Variants in TTC39A observed in about 807,000 individuals in gnomAD.
TTC39A encodes tetratricopeptide repeat domain 39A.
A neutral mutation model predicts 82.3 loss-of-function variants in TTC39A; 46 were observed. That is an observed-to-expected ratio of 0.56 (90% confidence interval 0.44 to 0.71). TTC39A has a LOEUF of 0.71. Among genes scored for constraint, TTC39A ranks in the 30% least tolerant of loss-of-function variants. The pLI, the probability that TTC39A is intolerant of heterozygous loss-of-function variation, is 0.00. For missense variants in TTC39A, 543 were observed against 712.9 expected, an observed-to-expected ratio of 0.76 and a Z score of 2.71; for synonymous variants, 254 against 275.2, an observed-to-expected ratio of 0.92 and a Z score of 0.76.
intron 5 of TTC39A, among the ~76,000 whole-genome samples, chr1:51,310,893 G>A (rs1645056773): frequency 6.6e-6 from 1 of 152,246 alleles, no homozygotes; most frequent in South Asian, 2.1e-4. Context: ...TGTGCAAAAA[G>A]TCTGGTACAT....
chr1:51,313,013 C>T (rs1645143256), intron 2 of TTC39A, 70 bp from the exon 3 acceptor site: 4 of 1,561,966 alleles, frequency 2.6e-6, no homozygotes, highest in Non-Finnish European at 3.5e-6. Flanking sequence ...CTGGGCAGCT[C>T]ATCTCCACCC....
At chr1:51,324,816 A>G (rs1396914074) in intron 1 of TTC39A, among the ~76,000 whole-genome samples, 1 of 151,950 alleles carries the variant, frequency 6.6e-6, no homozygotes, top group Non-Finnish European at 1.5e-5. Context: ...CACAGGCGTG[A>G]GCCACTGCAC....
In TTC39A at chr1:51,336,347, C is replaced by T. The variant is rs186020960; in HGVS notation, c.53+8644G>A. Among the ~76,000 whole-genome samples the T allele has an allele frequency of 5.3e-5, 8 of 152,124 alleles. No homozygotes were observed. In the East Asian group the frequency reaches 1.6e-3, roughly 30 times the overall value. ...TCTGTGACCTTTGGCAAGTCACTGC[C>T]CCACTGTGGGGCAGTTTCCTCTTCC... On this transcript the variant is annotated intron_variant, in intron 1 of 5. Transcript: ENST00000401051.
Position 51,302,318 on chromosome 1 carries a change from G to A in TTC39A, c.891+39C>T, listed in dbSNP as rs535619382. ...ACTTCCTGCTGGTCTGGGAGACCCC[G>A]AGGGATCCCCAGCCCCGGCCCGGAC... On this transcript the variant is annotated intron_variant, in intron 11 of 17. Coordinates refer to ENST00000680483, the MANE Select transcript of TTC39A (RefSeq NM_001297663.2). 21 of 1,570,336 alleles carry A rather than the reference G, an allele frequency of 1.3e-5. No individual in the cohort carries two copies. The East Asian group carries it at 1.7e-4, about 12-fold the overall frequency.
rs1644358197 is a variant in TTC39A at position 51,294,932 on chromosome 1, A to G, written c.1146-421T>C. Among the ~76,000 whole-genome samples, 1 of 152,224 alleles carries G rather than the reference A, an allele frequency of 6.6e-6. No individual in the cohort carries two copies. Among genetic ancestry groups the G allele is most frequent in the South Asian group, 2.1e-4 (1 of 4,830 alleles). ...CCAAGACCAAACAGCTCAAACCCTT[A>G]ATTAACTCTTGCCTCGCGAGTTCTG... On this transcript the variant is annotated intron_variant, in intron 13 of 17. Coordinates refer to ENST00000680483, the MANE Select transcript of TTC39A (RefSeq NM_001297663.2). This position sits in a 1 kb window ranked among gnomAD's most constrained non-coding sequence, Gnocchi z 4.3.
chr1:51,331,414 A>G, upstream of TTC39A: 1 of 1,446,020 alleles, frequency 6.9e-7, no homozygotes, highest in Non-Finnish European at 9.1e-7. Flanking sequence ...GCTCTTAACC[A>G]TGACTCATCA....
rs898465615 is a variant in TTC39A at position 51,309,838 on chromosome 1, C to T, written c.424-513G>A. On this transcript the variant is annotated intron_variant, in intron 5 of 17. Transcript: ENST00000680483. The stretch of plus-strand genomic sequence containing the variant: ...AGCAGAAGGACAGATAAACAAACTG[C>T]GGTGTGTTCATGCAAGGGAATAACA... Among the ~76,000 whole-genome samples the T allele has an allele frequency of 5.3e-5, 8 of 152,072 alleles. No individual in the cohort carries two copies. In the East Asian group the frequency reaches 7.7e-4, roughly 15 times the overall value.
chr1:51,318,209 T>C (rs1157727022), intron 2 of TTC39A, among the ~76,000 whole-genome samples: 1 of 152,270 alleles, frequency 6.6e-6, no homozygotes, highest in East Asian at 1.9e-4. Context: ...AGCAGCTGTG[T>C]CCTGGGCAGC....
intron 14 of TTC39A, among the ~76,000 whole-genome samples, chr1:51,292,845 C>T (rs1442402045): frequency 6.6e-6 from 1 of 152,274 alleles, no homozygotes; most frequent in East Asian, 1.9e-4. Context: ...TAAACTTCTT[C>T]TTAGATTAAT....
In TTC39A at chr1:51,330,498, G is replaced by A. The variant is rs1645874199; in HGVS notation, c.-21C>T. On this transcript the variant is annotated 5_prime_UTR_variant, in exon 1 of 18. Coordinates refer to ENST00000680483, the MANE Select transcript of TTC39A (RefSeq NM_001297663.2). The surrounding 1 kb of genome is among the most constrained non-coding windows in gnomAD (Gnocchi z 4.5). ...GTCATCGCCGAGGGGCGCGGGCGGC[G>A]CTGCCCCAGCCGGACGCCAATCGCG... 2 of 983,580 alleles carry A rather than the reference G, an allele frequency of 2.0e-6. No homozygotes were observed. Among genetic ancestry groups the A allele is most frequent in the Non-Finnish European group, 2.4e-6 (2 of 830,204 alleles). 60.9% of individuals were successfully genotyped at this position (983,580 alleles called of 1,614,324 possible).
upstream of TTC39A, chr1:51,331,402 C>T: frequency 1.4e-6 from 2 of 1,457,432 alleles, no homozygotes; most frequent in Non-Finnish European, 1.8e-6. Context: ...GCCCCAGATG[C>T]TGCTCTTAAC....
chr1:51,288,330 T>C lies in TTC39A; in HGVS notation c.1611-50A>G. On this transcript the variant is annotated intron_variant, in intron 17 of 17. Transcript: ENST00000680483. The surrounding 1 kb of genome is among the most constrained non-coding windows in gnomAD (Gnocchi z 4.8). ...ACATGAGGCTGCCTGCTCCCAGAGA[T>C]GCTTTTCCTCCTGTTTGAGCTGTAT... 1 of 1,612,404 alleles carries C rather than the reference T, an allele frequency of 6.2e-7. No individual in the cohort carries two copies.
intron 1 of TTC39A, among the ~76,000 whole-genome samples, chr1:51,339,941 G>A (rs1383978294): frequency 1.3e-5 from 2 of 152,054 alleles, no homozygotes; most frequent in South Asian, 2.1e-4. Context: ...TTAGGAGGTG[G>A]GCCCTTTGGG....
At chr1:51,323,842 T>G (rs1645614780) in intron 1 of TTC39A, among the ~76,000 whole-genome samples, 1 of 152,224 alleles carries the variant, frequency 6.6e-6, no homozygotes, top group Non-Finnish European at 1.5e-5. Context: ...ATCTCATAAT[T>G]CTAGCATTTT....
At chr1:51,307,066 G>A (rs907375439) in intron 6 of TTC39A, among the ~76,000 whole-genome samples, 1 of 152,182 alleles carries the variant, frequency 6.6e-6, no homozygotes, top group Admixed American at 6.5e-5. Context: ...AACCACCTTG[G>A]CATATTTGAA....
chr1:51,297,042 G>A (rs965451934), intron 12 of TTC39A, among the ~76,000 whole-genome samples: 1 of 152,254 alleles, frequency 6.6e-6, no homozygotes, highest in Non-Finnish European at 1.5e-5. Context: ...AGGGTGGAAA[G>A]GAAAAGGCGC....
intron 5 of TTC39A, chr1:51,309,579 T>A: frequency 3.0e-6 from 2 of 677,014 alleles, no homozygotes; most frequent in Non-Finnish European, 4.4e-6. Context: ...GCCCAGTGAT[T>A]AACAGTATCT....
intron 2 of TTC39A, among the ~76,000 whole-genome samples, chr1:51,317,751 AAAAC>A (rs768478350): frequency 3.9e-5 from 6 of 152,334 alleles, no homozygotes; most frequent in East Asian, 3.9e-4. Context: ...CTCTGTCTCA[AAAAC>A]AAACAAACAA....
intron 16 of TTC39A, 138 bp from the exon 17 acceptor site, chr1:51,289,093 C>A (rs1644102334): frequency 2.8e-6 from 2 of 706,548 alleles, no homozygotes; most frequent in Non-Finnish European, 2.4e-6. Context: ...CATAGCAAAG[C>A]CTTCCCATCC....
Sources: allele counts gnomAD v4.1 joint callset (sites outside exome capture counted in the v4.1 genomes callset), GRCh38; gene constraint gnomAD v4.1.1; non-coding constraint Gnocchi (gnomAD v3.1); transcripts MANE v1.5; gene names NCBI Gene and HGNC (gene_info 2026-07-23, HGNC 2026-07-21).